Variants in MAP2 observed in about 807,000 individuals in gnomAD.
MAP2 encodes the protein microtubule associated protein 2, also known as microtubule-associated protein 2.
Under a neutral mutation model 137.6 loss-of-function variants are expected in MAP2, and 14 were observed. The ratio of observed to expected loss-of-function variants is 0.10; its 90% confidence interval spans 0.07 to 0.16. The LOEUF (loss-of-function observed/expected upper bound fraction) is 0.16, where lower values mean the gene tolerates loss of function less well. Ranked by LOEUF, MAP2 falls within the 10% of genes least tolerant of loss-of-function variation. The probability of loss-of-function intolerance (pLI) is 1.00; values close to 1 mark genes in which losing one functional copy is unlikely to be tolerated. For missense variants in MAP2, 2,088 were observed against 2,191.5 expected (o/e 0.95, Z 0.94); for synonymous variants, 786 against 782.3 (o/e 1.00, Z -0.08).
At chr2:209,445,479 G>A (rs957903379) in intron 1 of MAP2, among the ~76,000 whole-genome samples, 1 of 135,598 alleles carries the variant, frequency 7.4e-6, no homozygotes, top group Non-Finnish European at 1.7e-5. Context: ...CAGAGACGTT[G>A]CAACACATTT....
intron 3 of MAP2, among the ~76,000 whole-genome samples, chr2:209,590,969 A>G (rs187324318): frequency 6.6e-6 from 1 of 152,214 alleles, no homozygotes; most frequent in Non-Finnish European, 1.5e-5. Context: ...TGCCAAGTAC[A>G]TACCATGTTT....
At chr2:209,566,192 G>A (rs1462615096) in intron 2 of MAP2, among the ~76,000 whole-genome samples, 2 of 152,124 alleles carry the variant, frequency 1.3e-5, no homozygotes, top group African/African-American at 2.4e-5. Context: ...ATCAATACAC[G>A]TAAGTCCTGA....
At chr2:209,490,943 A>G (rs1013478162) in intron 1 of MAP2, among the ~76,000 whole-genome samples, 4 of 152,312 alleles carry the variant, frequency 2.6e-5, no homozygotes, top group Non-Finnish European at 5.9e-5. Context: ...CTCTGGACCA[A>G]GCAGACCCAA....
intron 2 of MAP2, among the ~76,000 whole-genome samples, chr2:209,556,095 G>A (rs113648092): frequency 1.4e-5 from 2 of 141,942 alleles, no homozygotes; most frequent in Admixed American, 1.5e-4. Flanking sequence ...AGGCTGGAGT[G>A]CAGTGCACCA....
At chr2:209,721,768 A>T (rs1482324866) in intron 13 of MAP2, 1 of 152,218 alleles carries the variant, frequency 6.6e-6, no homozygotes, top group East Asian at 1.9e-4. Flanking sequence ...TACTCTAATG[A>T]TCTCTAAGTT....
chr2:209,688,526 T>C (rs1450323089), intron 7 of MAP2, among the ~76,000 whole-genome samples: 1 of 152,172 alleles, frequency 6.6e-6, no homozygotes, highest in Non-Finnish European at 1.5e-5. Context: ...CATGTAATCA[T>C]CTACAGAAAC....
At position 209,676,597 on chromosome 2, in the gene MAP2, G is replaced by A. The variant is rs536076248; in HGVS notation, c.263-1975G>A. 9.9e-5 allele frequency among the ~76,000 whole-genome samples: 15 copies of A among 151,198 alleles called. No homozygotes were observed. The South Asian group carries it at 3.1e-3, about 32-fold the overall frequency. On this transcript the variant is annotated intron_variant, in intron 5 of 15. Transcript: ENST00000682079. ...TGACTTGGGAAACCTTATATAGTGT[G>A]GGAGATAAGCCATGTGAACCAGCAC...
intron 2 of MAP2, among the ~76,000 whole-genome samples, chr2:209,526,236 T>C (rs551907221): frequency 6.6e-5 from 10 of 152,244 alleles, no homozygotes; most frequent in African/African-American, 2.2e-4. Flanking sequence ...TTGAGGCAGC[T>C]GTGGTTTAAA....
intron 5 of MAP2, among the ~76,000 whole-genome samples, chr2:209,669,148 T>G (rs1309455434): frequency 3.3e-5 from 5 of 152,096 alleles, no homozygotes; most frequent in African/African-American, 1.2e-4. Flanking sequence ...TAATAGTTAA[T>G]GAGAAACTTG....
At position 209,683,523 on chromosome 2, in the gene MAP2, A is replaced by G. The variant is rs2055690673; in HGVS notation, c.454+2696A>G. ...CTGTTTCTCTTTTATGTTAAGCCAC[A>G]CTTAAGTAATATACAAGTATTTTTT... On this transcript the variant is annotated intron_variant, in intron 7 of 15. Coordinates refer to ENST00000682079, the MANE Select transcript of MAP2 (RefSeq NM_001375505.1). 2.7e-5 allele frequency among the ~76,000 whole-genome samples: 4 copies of G among 150,918 alleles called. No individual in the cohort carries two copies. The South Asian group carries it at 6.2e-4, about 24-fold the overall frequency.
chr2:209,451,212 A>G (rs1700221567), intron 1 of MAP2, among the ~76,000 whole-genome samples: 1 of 152,150 alleles, frequency 6.6e-6, no homozygotes, highest in African/African-American at 2.4e-5. Flanking sequence ...ATAAAAGATA[A>G]TCTTCATTTG....
chr2:209,703,751 T>A (rs2062464829), intron 11 of MAP2, among the ~76,000 whole-genome samples: 1 of 150,152 alleles, frequency 6.7e-6, no homozygotes, highest in Non-Finnish European at 1.5e-5. Flanking sequence ...CTAAGCAATA[T>A]TACTCTTTCT....
chr2:209,713,738 TA>T (rs886979652), intron 13 of MAP2, among the ~76,000 whole-genome samples: 5 of 152,276 alleles, frequency 3.3e-5, no homozygotes, highest in Admixed American at 1.3e-4. Context: ...ACACGTAGCA[TA>T]AAAAAATTTA....
intron 2 of MAP2, among the ~76,000 whole-genome samples, chr2:209,528,580 A>T (rs909939187): frequency 1.3e-5 from 2 of 152,058 alleles, no homozygotes. Flanking sequence ...TTGACAGTTC[A>T]GCCTTTTGAA....
intron 4 of MAP2, among the ~76,000 whole-genome samples, chr2:209,648,836 G>C (rs1261063462): frequency 7.0e-6 from 1 of 142,862 alleles, no homozygotes; most frequent in African/African-American, 2.8e-5. Context: ...TAGCATCTCA[G>C]CTTGCTCTAT....
chr2:209,551,434 T>G (rs1008267986), intron 2 of MAP2, among the ~76,000 whole-genome samples: 1 of 152,192 alleles, frequency 6.6e-6, no homozygotes, highest in Non-Finnish European at 1.5e-5. Context: ...CTCATTGCAT[T>G]CACTTGATAA....
At chr2:209,525,877 T>A (rs2063963953) in intron 2 of MAP2, among the ~76,000 whole-genome samples, 1 of 152,206 alleles carries the variant, frequency 6.6e-6, no homozygotes, top group Non-Finnish European at 1.5e-5. Context: ...CTCTTCACTA[T>A]AGTAACTGAT....
At chr2:209,656,081 T>G (rs1025157024) in intron 5 of MAP2, among the ~76,000 whole-genome samples, 1 of 152,130 alleles carries the variant, frequency 6.6e-6, no homozygotes, top group South Asian at 2.1e-4. Context: ...CTTACTTTTT[T>G]CCCCCTCATC....
rs1444363596 is a variant in MAP2, at chr2:209,695,346, G to A, written c.3176G>A (p.Gly1059Glu). 6.2e-7 allele frequency: 1 copy of A among 1,613,824 alleles called. No homozygotes were observed. Among genetic ancestry groups the A allele is most frequent in the Non-Finnish European group, 8.5e-7 (1 of 1,179,972 alleles). Residue 1059 changes from glycine to glutamate, a missense_variant, in exon 8 of 16, where the codon GGG becomes GAG. This residue lies in a region of MAP2 where 500 missense variants were observed against 482.9 expected (regional missense o/e 1.04). Transcript: ENST00000682079. ...AGTGACTTTGGACAGATGGCTTCAG[G>A]GCTAAACATAGATGATAGAAGGGCA... The part of the protein sequence containing the change: ...KISDFGQMAS[G>E]LNIDDRRATE...
Sources: gnomAD v4.1 joint callset for allele counts (sites outside exome capture counted in the v4.1 genomes callset) on GRCh38, gnomAD v4.1.1 for gene constraint, gnomAD v4.1.1 regional missense constraint, MANE v1.5 for transcripts, NCBI Gene and HGNC (gene_info 2026-07-23, HGNC 2026-07-21) for gene names.